The following NUDCD1 variants were observed in gnomAD, a reference collection of about 807,000 sequenced individuals.
NUDCD1 encodes the protein NudC domain containing 1.
NUDCD1 carries 60 observed loss-of-function variants against 67.8 expected under a neutral mutation model. The observed-to-expected ratio is 0.88, with a 90% confidence interval of 0.72 to 1.10. The LOEUF is 1.10. Ranked by LOEUF, NUDCD1 falls within the 50% of genes least tolerant of loss-of-function variation. The probability of loss-of-function intolerance (pLI) is 0.00; values close to 1 mark genes in which losing one functional copy is unlikely to be tolerated. For synonymous variants in NUDCD1, 244 were observed against 230.8 expected (o/e 1.06, Z -0.52); for missense variants, 643 against 695.0 (o/e 0.93, Z 0.84).
At chr8:109,279,815 T>C (rs996734855) in intron 6 of NUDCD1, among the ~76,000 whole-genome samples, 6 of 151,898 alleles carry the variant, frequency 4.0e-5, no homozygotes, top group African/African-American at 1.5e-4. Flanking sequence ...TGTTTTTAGT[T>C]GAGACGGGGT....
chr8:109,296,130 T>C (rs1165437230), intron 3 of NUDCD1, among the ~76,000 whole-genome samples: 3 of 152,174 alleles, frequency 2.0e-5, no homozygotes, highest in Admixed American at 2.0e-4. Context: ...TCTACGCATA[T>C]AAGATGTCTG....
intron 8 of NUDCD1, among the ~76,000 whole-genome samples, chr8:109,245,989 T>A (rs1022576300): frequency 6.6e-6 from 1 of 152,168 alleles, no homozygotes; most frequent in African/African-American, 2.4e-5. Flanking sequence ...GGGTGAACAC[T>A]ATTGTGAAAT....
rs181346050 is a variant in NUDCD1 at position 109,321,301 on chromosome 8, A to T, written c.273+1008T>A. Among the ~76,000 whole-genome samples the T allele has an allele frequency of 1.6e-4, 25 of 152,312 alleles. No individual in the cohort carries two copies. In the East Asian group the frequency reaches 4.0e-3, roughly 25 times the overall value. ...ATATGAAGGTGAAAAACATATGATAAAATTAGCTCAAACAATGAGAGGGTA... is the reference window on the plus strand; with the variant it reads ...ATATGAAGGTGAAAAACATATGATATAATTAGCTCAAACAATGAGAGGGTA... On this transcript the variant is annotated intron_variant, in intron 2 of 9. Transcript: ENST00000239690.
At chr8:109,274,951 C>T (rs1017535292) in intron 7 of NUDCD1, among the ~76,000 whole-genome samples, 2 of 152,046 alleles carry the variant, frequency 1.3e-5, no homozygotes, top group African/African-American at 4.8e-5. Context: ...ATATATGATA[C>T]ATATATCCTT....
chr8:109,314,442 A>C (rs1815338886), intron 2 of NUDCD1, among the ~76,000 whole-genome samples: 1 of 152,202 alleles, frequency 6.6e-6, no homozygotes, highest in Non-Finnish European at 1.5e-5. Flanking sequence ...AGGTTCAAAA[A>C]GATTAAATAA....
chr8:109,264,755 A>T (rs1211591858), intron 8 of NUDCD1, among the ~76,000 whole-genome samples: 1 of 152,128 alleles, frequency 6.6e-6, no homozygotes, highest in African/African-American at 2.4e-5. Flanking sequence ...ATCATATTGC[A>T]AGAGATTGAA....
intron 3 of NUDCD1, 120 bp downstream of exon 3, chr8:109,296,264 T>C (rs1814839026): frequency 1.9e-5 from 15 of 788,864 alleles, no homozygotes; most frequent in Non-Finnish European, 3.2e-5. Context: ...CAAAACATTA[T>C]ATATCAAACA....
At chr8:109,294,293 T>C (rs565522523) in intron 3 of NUDCD1, among the ~76,000 whole-genome samples, 1 of 152,086 alleles carries the variant, frequency 6.6e-6, no homozygotes, top group Admixed American at 6.6e-5. Context: ...TACTTCTACT[T>C]GAAAACCTTA....
intron 2 of NUDCD1, among the ~76,000 whole-genome samples, chr8:109,318,735 A>C (rs1815461511): frequency 6.6e-6 from 1 of 152,174 alleles, no homozygotes; most frequent in South Asian, 2.1e-4. Context: ...TTTTGAGATA[A>C]ACACTGCATT....
chr8:109,285,821 C>A (rs1474184148), intron 5 of NUDCD1, among the ~76,000 whole-genome samples: 5 of 151,922 alleles, frequency 3.3e-5, no homozygotes, highest in Non-Finnish European at 7.4e-5. Flanking sequence ...AGCAATCAGG[C>A]AAAAGAAATA....
intron 2 of NUDCD1, among the ~76,000 whole-genome samples, chr8:109,320,815 C>T (rs757979902): frequency 1.2e-4 from 18 of 152,326 alleles, no homozygotes; most frequent in Non-Finnish European, 2.5e-4. Context: ...CGTTCTTCTG[C>T]CATGGCTTCA....
At position 109,282,790 on chromosome 8, in the gene NUDCD1, C is replaced by T. The variant is rs774333828; in HGVS notation, c.824-1618G>A. On this transcript the variant is annotated intron_variant, in intron 5 of 9. Coordinates refer to ENST00000239690, the MANE Select transcript of NUDCD1 (RefSeq NM_032869.4). ...GGCACGTGTATACCTATGTAACAAACCTGCACGTTCTGCACATGTATCCCA... is the reference window on the plus strand; with the variant it reads ...GGCACGTGTATACCTATGTAACAAATCTGCACGTTCTGCACATGTATCCCA... 4.5e-4 allele frequency among the ~76,000 whole-genome samples: 68 copies of T among 151,716 alleles called. 1 individual carries two copies. The highest frequency in any genetic ancestry group is 2.5e-4 in the Non-Finnish European group (17 of 67,960).
chr8:109,253,157 C>T (rs1165433668), intron 8 of NUDCD1, among the ~76,000 whole-genome samples: 1 of 152,128 alleles, frequency 6.6e-6, no homozygotes, highest in African/African-American at 2.4e-5. Flanking sequence ...ACAGATGCTT[C>T]CCATACTGAA....
rs34568071 is a variant in NUDCD1, at chr8:109,275,440, A to T, written c.1085T>A (p.Ile362Asn). 2 of 1,613,712 alleles carry T rather than the reference A, an allele frequency of 1.2e-6. No individual in the cohort carries two copies. Among genetic ancestry groups the T allele is most frequent in the South Asian group, 2.2e-5 (2 of 91,066 alleles). Residue 362 changes from isoleucine to asparagine, a missense_variant, in exon 7 of 10, where the codon ATT becomes AAT. Coordinates refer to ENST00000239690, the MANE Select transcript of NUDCD1 (RefSeq NM_032869.4). The stretch of plus-strand genomic sequence containing the variant: ...TATAAGTTCCCCTTGTTTATCTCCA[A>T]TTACTAGCTCTGGCCAGGTCAGTCC... ...NEGLTWPELV[I>N]GDKQGELIRD...
intron 7 of NUDCD1, among the ~76,000 whole-genome samples, chr8:109,274,186 G>A (rs1447400769): frequency 6.6e-6 from 1 of 152,136 alleles, no homozygotes; most frequent in Non-Finnish European, 1.5e-5. Flanking sequence ...CTGTGGAGTA[G>A]ACATTCTAAC....
At chr8:109,263,140 G>A (rs891990188) in intron 8 of NUDCD1, among the ~76,000 whole-genome samples, 3 of 150,108 alleles carry the variant, frequency 2.0e-5, no homozygotes, top group Non-Finnish European at 4.4e-5. Context: ...GGCTGCCTAA[G>A]GCTACATCTC....
At chr8:109,261,805 G>A (rs900150945) in intron 8 of NUDCD1, among the ~76,000 whole-genome samples, 11 of 151,750 alleles carry the variant, frequency 7.2e-5, no homozygotes, top group African/African-American at 1.9e-4. Context: ...TAATTTGCCC[G>A]GTTTAATTAT....
intron 3 of NUDCD1, among the ~76,000 whole-genome samples, chr8:109,293,849 T>C (rs1362539502): frequency 6.6e-6 from 1 of 152,080 alleles, no homozygotes; most frequent in African/African-American, 2.4e-5. Flanking sequence ...TTGTTATTTA[T>C]TCTCTGGAAG....
At chr8:109,333,772 A>G (rs1335568361) in intron 1 of NUDCD1, 121 bp downstream of exon 1, 2 of 1,080,692 alleles carry the variant, frequency 1.9e-6, no homozygotes, top group African/African-American at 3.2e-5. Flanking sequence ...CCGTGAGTCC[A>G]CGCAAGCCGC....
Sources: gnomAD v4.1 joint callset for allele counts (sites outside exome capture counted in the v4.1 genomes callset) on GRCh38, gnomAD v4.1.1 for gene constraint, MANE v1.5 for transcripts, NCBI Gene and HGNC (gene_info 2026-07-23, HGNC 2026-07-21) for gene names.